SDK1: variants seen among roughly 807,000 people sequenced by gnomAD.
SDK1 encodes protein sidekick-1.
In SDK1, 157 loss-of-function variants were observed where a neutral mutation model predicts 245.5. That is an observed-to-expected ratio of 0.64 (90% CI 0.56 to 0.73). SDK1 has a LOEUF of 0.73. SDK1 is among the 30% of genes least tolerant of loss of function. SDK1 has a pLI of 0.00. For missense variants in SDK1, 3,583 were observed against 3,002.3 expected, an observed-to-expected ratio of 1.19 and a Z score of -4.52; for synonymous variants, 1,647 against 1,278.5, an observed-to-expected ratio of 1.29 and a Z score of -6.15.
chr7:3,918,190 G>A (rs181594960), intron 5 of SDK1, among the ~76,000 whole-genome samples: 167 of 152,198 alleles, frequency 1.1e-3, no homozygotes, highest in Non-Finnish European at 2.1e-3. Context: ...TCTCAACACC[G>A]CGGTACCCTG....
chr7:3,840,022 C>G (rs1439784259), intron 5 of SDK1, among the ~76,000 whole-genome samples: 1 of 152,116 alleles, frequency 6.6e-6, no homozygotes, highest in East Asian at 1.9e-4. Context: ...TGGTAGGTAT[C>G]AAATCAAAGT....
intron 4 of SDK1, among the ~76,000 whole-genome samples, chr7:3,652,675 G>C (rs916197365): frequency 3.3e-5 from 5 of 152,170 alleles, no homozygotes; most frequent in African/African-American, 1.2e-4. Flanking sequence ...CAGACTTATG[G>C]GGACTTTTGA....
rs183443808 is a variant in SDK1 at position 4,184,749 on chromosome 7, A to G, written c.5098+6163A>G. ...GTAAGGACTCCAGTGTGCAGGAGGT[A>G]GGACCCAACGCCAACAAGCTTAAGC... On this transcript the variant is annotated intron_variant, in intron 35 of 44. Coordinates refer to ENST00000404826, the MANE Select transcript of SDK1 (RefSeq NM_152744.4). Among the ~76,000 whole-genome samples the G allele has an allele frequency of 7.2e-4, 109 of 152,380 alleles. No individual in the cohort carries two copies. The Middle Eastern group carries it at 0.017, about 24-fold the overall frequency.
At chr7:4,096,067 G>T (rs1006622677) in intron 22 of SDK1, among the ~76,000 whole-genome samples, 32 of 152,336 alleles carry the variant, frequency 2.1e-4, no homozygotes, top group African/African-American at 7.5e-4. Context: ...AAATGTAGCT[G>T]TAAAGCGTCC....
At chr7:3,669,464 T>C (rs1211373160) in intron 4 of SDK1, among the ~76,000 whole-genome samples, 2 of 152,200 alleles carry the variant, frequency 1.3e-5, no homozygotes, top group Non-Finnish European at 2.9e-5. Context: ...TGAACTTCGC[T>C]GGTATTGACT....
At chr7:3,607,401 A>G (rs958719655) in intron 1 of SDK1, among the ~76,000 whole-genome samples, 5 of 152,238 alleles carry the variant, frequency 3.3e-5, no homozygotes, top group Admixed American at 6.5e-5. Flanking sequence ...AAAACCGACT[A>G]TACTATATAT....
At chr7:3,752,786 T>C (rs767382605) in intron 4 of SDK1, among the ~76,000 whole-genome samples, 6 of 152,208 alleles carry the variant, frequency 3.9e-5, no homozygotes, top group Non-Finnish European at 8.8e-5. Flanking sequence ...GAAACAATTG[T>C]GTAGTAAATG....
intron 1 of SDK1, among the ~76,000 whole-genome samples, chr7:3,542,895 C>A (rs536685024): frequency 6.6e-6 from 1 of 152,250 alleles, no homozygotes; most frequent in East Asian, 1.9e-4. Context: ...TAGAAGCTTC[C>A]CAAAAGGGGA....
intron 1 of SDK1, among the ~76,000 whole-genome samples, chr7:3,504,284 G>A (rs918257834): frequency 6.7e-6 from 1 of 149,928 alleles, no homozygotes; most frequent in Admixed American, 6.7e-5. Context: ...TGTTGTTGTT[G>A]TTGTTGTTGC....
intron 5 of SDK1, among the ~76,000 whole-genome samples, chr7:3,941,941 C>T (rs1244918696): frequency 7.3e-6 from 1 of 137,828 alleles, no homozygotes; most frequent in Non-Finnish European, 1.5e-5. Flanking sequence ...CACAGTCTTG[C>T]TCTGTCGCCC....
intron 1 of SDK1, among the ~76,000 whole-genome samples, chr7:3,336,412 G>A (rs1326871133): frequency 6.6e-6 from 1 of 152,158 alleles, no homozygotes; most frequent in Non-Finnish European, 1.5e-5. Flanking sequence ...TGCCAGGGTA[G>A]TGTCAGCAAG....
intron 2 of SDK1, among the ~76,000 whole-genome samples, chr7:3,628,040 T>C (rs1389073758): frequency 6.6e-6 from 1 of 152,114 alleles, no homozygotes; most frequent in Non-Finnish European, 1.5e-5. Context: ...TACTTGCAGC[T>C]CCGTCTGCTT....
In SDK1 at chr7:3,415,468, A is replaced by C. The variant is rs528932867; in HGVS notation, c.298+113584A>C. On this transcript the variant is annotated intron_variant, in intron 1 of 44. Transcript: ENST00000404826. Reference sequence around the variant, plus strand: ...TAAATGAGAAGTAGATTAAAAAACAACGGTGAAAAATGATTAAAAAACAAT... The same window carrying C: ...TAAATGAGAAGTAGATTAAAAAACACCGGTGAAAAATGATTAAAAAACAAT... 1.2e-3 allele frequency among the ~76,000 whole-genome samples: 187 copies of C among 152,246 alleles called. 4 individuals carry two copies. The highest frequency in any genetic ancestry group is 4.4e-3 in the African/African-American group (181 of 41,566).
At chr7:3,686,549 A>G (rs1259831521) in intron 4 of SDK1, among the ~76,000 whole-genome samples, 1 of 152,220 alleles carries the variant, frequency 6.6e-6, no homozygotes, top group Admixed American at 6.5e-5. Flanking sequence ...GTAAAACAGG[A>G]CAGTCAATGT....
chr7:3,463,379 T>TGAAC (rs1295935546), intron 1 of SDK1, among the ~76,000 whole-genome samples: 1 of 151,738 alleles, frequency 6.6e-6, no homozygotes, highest in Non-Finnish European at 1.5e-5. Flanking sequence ...AATGAATGAA[T>TGAAC]GAACATAGAT....
In SDK1 at chr7:3,964,136, A is replaced by G. The variant is rs146907515; in HGVS notation, c.1429+1285A>G. The stretch of plus-strand genomic sequence containing the variant: ...AATTTGCTCCATGTACTACACACAG[A>G]AAATGGTAGTATCTGTTCAGCCCCC... On this transcript the variant is annotated intron_variant, in intron 9 of 44. Transcript: ENST00000404826. Among the ~76,000 whole-genome samples the G allele has an allele frequency of 2.1e-3, 326 of 152,366 alleles. 2 individuals carry two copies. The highest frequency in any genetic ancestry group is 6.5e-3 in the Admixed American group (100 of 15,310).
At chr7:3,761,260 CTTT>C (rs71029692) in intron 4 of SDK1, among the ~76,000 whole-genome samples, 14 of 93,714 alleles carry the variant, frequency 1.5e-4, no homozygotes, top group Admixed American at 6.3e-4. Context: ...GCCCCCCCTC[CTTT>C]TTTTTTTTTT....
chr7:3,943,518 A>C (rs1356976215), intron 5 of SDK1, among the ~76,000 whole-genome samples: 1 of 149,470 alleles, frequency 6.7e-6, no homozygotes, highest in Middle Eastern at 3.2e-3. Flanking sequence ...TTCAGAGCGG[A>C]GTCCATTTCC....
intron 44 of SDK1, among the ~76,000 whole-genome samples, chr7:4,247,336 G>T (rs542622942): frequency 7.9e-4 from 120 of 152,312 alleles, no homozygotes; most frequent in African/African-American, 2.6e-3. Context: ...GAGGATGCCG[G>T]GTTTGCTGTC....
Sources: allele counts gnomAD v4.1 joint callset (sites outside exome capture counted in the v4.1 genomes callset), GRCh38; gene constraint gnomAD v4.1.1; transcripts MANE v1.5; gene names NCBI Gene and HGNC (gene_info 2026-07-23, HGNC 2026-07-21).